The following MAPK10 variants were observed in gnomAD, a reference collection of about 807,000 sequenced individuals.
The protein encoded by MAPK10 is mitogen-activated protein kinase 10.
A neutral mutation model predicts 59.3 loss-of-function variants in MAPK10; 25 were observed. The observed-to-expected ratio is 0.42, with a 90% CI of 0.31 to 0.59. The LOEUF is 0.59. MAPK10 is among the 20% of genes least tolerant of loss of function. The pLI is 0.15. For missense variants in MAPK10, 351 were observed against 568.9 expected (o/e 0.62, Z 3.90); for synonymous variants, 190 against 200.5 (o/e 0.95, Z 0.44).
At chr4:86,427,397 C>T (rs559208051) in intron 1 of MAPK10, among the ~76,000 whole-genome samples, 6 of 152,286 alleles carry the variant, frequency 3.9e-5, no homozygotes, top group Non-Finnish European at 5.9e-5. Context: ...CTAGTGGCCT[C>T]CTACTCTCCT....
chr4:86,041,391 C>A (rs4382027), intron 11 of MAPK10, among the ~76,000 whole-genome samples: 1 of 152,110 alleles, frequency 6.6e-6, no homozygotes, highest in South Asian at 2.1e-4. Flanking sequence ...AGAAGAAAAC[C>A]TAGGCAATAC....
intron 2 of MAPK10, among the ~76,000 whole-genome samples, chr4:86,324,448 G>T (rs553163656): frequency 6.6e-6 from 1 of 152,070 alleles, no homozygotes; most frequent in South Asian, 2.1e-4. Flanking sequence ...TCTGTAATCT[G>T]TTTTCAGGTC....
chr4:86,257,264 A>G (rs2093782404), intron 2 of MAPK10, among the ~76,000 whole-genome samples: 1 of 152,198 alleles, frequency 6.6e-6, no homozygotes, highest in Non-Finnish European at 1.5e-5. Flanking sequence ...GAAAGAAGCA[A>G]AAGTCCATTT....
chr4:86,174,839 T>C (rs1304390171), intron 3 of MAPK10, among the ~76,000 whole-genome samples: 1 of 152,178 alleles, frequency 6.6e-6, no homozygotes, highest in East Asian at 1.9e-4. Context: ...ATATTTATTT[T>C]GGTCATAAAA....
At chr4:86,167,066 A>G (rs1292158677) in intron 3 of MAPK10, among the ~76,000 whole-genome samples, 1 of 152,222 alleles carries the variant, frequency 6.6e-6, no homozygotes, top group Non-Finnish European at 1.5e-5. Context: ...ACAGAAATAC[A>G]AACTACCATC....
At chr4:86,392,026 TC>T (rs1213819438) in intron 1 of MAPK10, among the ~76,000 whole-genome samples, 1 of 152,144 alleles carries the variant, frequency 6.6e-6, no homozygotes, top group East Asian at 1.9e-4. Flanking sequence ...ATTCTAAAAT[TC>T]CCTCTGCAGC....
chr4:86,056,975 ATTT>A lies in MAPK10; in HGVS notation c.1110+7288_1110+7290del, dbSNP rs1390677681. 9.4e-4 allele frequency among the ~76,000 whole-genome samples: 138 copies of A among 146,128 alleles called. 5 individuals carry two copies. Among genetic ancestry groups the A allele is most frequent in the East Asian group, 1.4e-3 (7 of 5,114 alleles). ...TATTTTATTTTATTTTATTTTATTT[ATTT>A]TTTTTAAGACGGTCTCACTCTGTCT... is the stretch of plus-strand genomic sequence containing the variant. On this transcript the variant is annotated intron_variant, in intron 11 of 13. Transcript: ENST00000641462.
intron 1 of MAPK10, among the ~76,000 whole-genome samples, chr4:86,578,379 C>T (rs1050485514): frequency 1.3e-5 from 2 of 152,128 alleles, no homozygotes; most frequent in African/African-American, 4.8e-5. Context: ...ATCCCAGCAG[C>T]TCTTGACCAC....
At chr4:86,489,913 T>C (rs1267682103) in intron 1 of MAPK10, among the ~76,000 whole-genome samples, 1 of 152,182 alleles carries the variant, frequency 6.6e-6, no homozygotes, top group Admixed American at 6.5e-5. Context: ...GGCCCTTTTT[T>C]CTGTTCCACT....
intron 1 of MAPK10, among the ~76,000 whole-genome samples, chr4:86,589,369 C>T (rs534782193): frequency 1.9e-4 from 29 of 152,146 alleles, no homozygotes; most frequent in Non-Finnish European, 3.4e-4. Context: ...TGGAAGGCAG[C>T]CCGGTTTTGT....
intron 1 of MAPK10, among the ~76,000 whole-genome samples, chr4:86,523,514 G>A (rs1343586353): frequency 1.3e-5 from 2 of 152,196 alleles, no homozygotes; most frequent in African/African-American, 4.8e-5. Context: ...CAAGAGTTAA[G>A]GGGAAATTTT....
chr4:86,124,977 G>T (rs547518826), intron 4 of MAPK10: 26 of 151,876 alleles, frequency 1.7e-4, no homozygotes, highest in African/African-American at 5.5e-4. Flanking sequence ...AATGAAGGGG[G>T]GGAAAGCTCA....
At chr4:86,199,072 C>T (rs924619841) in intron 2 of MAPK10, among the ~76,000 whole-genome samples, 2 of 151,936 alleles carry the variant, frequency 1.3e-5, no homozygotes, top group Non-Finnish European at 1.5e-5. Context: ...AATATTTGTA[C>T]ATTACTAATA....
intron 9 of MAPK10, among the ~76,000 whole-genome samples, chr4:86,092,190 A>G (rs1178657932): frequency 6.6e-6 from 1 of 152,150 alleles, no homozygotes; most frequent in Non-Finnish European, 1.5e-5. Flanking sequence ...TGATGTACAT[A>G]TTGAATTTCA....
chr4:86,547,374 T>C (rs1759297388), intron 1 of MAPK10, among the ~76,000 whole-genome samples: 3 of 152,212 alleles, frequency 2.0e-5, no homozygotes, highest in Admixed American at 6.5e-5. Flanking sequence ...GCGTGGGCTC[T>C]GCGGACCCGC....
At chr4:86,412,964 C>CG (rs1745389035) in intron 1 of MAPK10, among the ~76,000 whole-genome samples, 1 of 152,158 alleles carries the variant, frequency 6.6e-6, no homozygotes, top group Non-Finnish European at 1.5e-5. Flanking sequence ...AGCTGCAATC[C>CG]TTTGGAGGAG....
At chr4:86,243,359 G>A (rs2092872764) in intron 2 of MAPK10, among the ~76,000 whole-genome samples, 2 of 152,140 alleles carry the variant, frequency 1.3e-5, no homozygotes, top group Admixed American at 1.3e-4. Flanking sequence ...TACTACATAT[G>A]ACTACCAGAG....
intron 2 of MAPK10, among the ~76,000 whole-genome samples, chr4:86,256,713 A>AT (rs1245876530): frequency 2.3e-5 from 3 of 128,366 alleles, no homozygotes; most frequent in Non-Finnish European, 5.1e-5. Context: ...ATTATACTCC[A>AT]TTTTTTTCTT....
At chr4:86,136,600 C>T (rs566645720) in intron 4 of MAPK10, among the ~76,000 whole-genome samples, 268 of 149,108 alleles carry the variant, frequency 1.8e-3, no homozygotes, top group African/African-American at 6.0e-3. Flanking sequence ...GTAAAGACCA[C>T]CGAGACTAGG....
Sources: allele counts gnomAD v4.1 joint callset (sites outside exome capture counted in the v4.1 genomes callset), GRCh38; gene constraint gnomAD v4.1.1; transcripts MANE v1.5; gene names NCBI Gene and HGNC (gene_info 2026-07-23, HGNC 2026-07-21).